MYO15A: variants seen among roughly 807,000 people sequenced by gnomAD.
The protein encoded by MYO15A is myosin XVA.
MYO15A carries 308 observed loss-of-function variants against 394.6 expected under a neutral mutation model. The ratio of observed to expected loss-of-function variants is 0.78; its 90% CI spans 0.71 to 0.86. MYO15A has a LOEUF of 0.86. MYO15A is among the 40% of genes least tolerant of loss of function. The probability of loss-of-function intolerance (pLI) is 0.00; values close to 1 mark genes in which losing one functional copy is unlikely to be tolerated. For missense variants in MYO15A, 4,606 were observed against 4,799.1 expected (o/e 0.96, Z 1.19); for synonymous variants, 1,957 against 2,003.8 (o/e 0.98, Z 0.62).
intron 60 of MYO15A, among the ~76,000 whole-genome samples, chr17:18,165,660 C>A (rs2046842714): frequency 6.6e-6 from 1 of 152,188 alleles, no homozygotes; most frequent in Non-Finnish European, 1.5e-5. Context: ...GTGACATATT[C>A]ATAAGTTCTA....
rs1295123749 is a variant in MYO15A, at chr17:18,137,637, C to A, written c.4833C>A (p.Asn1611Lys). 1 of 1,614,088 alleles carries A rather than the reference C, an allele frequency of 6.2e-7. No homozygotes were observed. Among genetic ancestry groups the A allele is most frequent in the Non-Finnish European group, 8.5e-7 (1 of 1,180,054 alleles). The change falls in exon 16 of 66, where the codon AAC (asparagine) becomes AAA (lysine). Residue 1611 changes from asparagine (N) to lysine (K), a missense_variant. Physicochemically the swap from Asn to Lys is moderately conservative, Grantham distance 94 (BLOSUM62 0). Transcript: ENST00000647165. The part of the protein sequence containing the change: ...EQLCINYANE[N>K]LQYLFNKIVF... ...TGTGTATTAACTACGCAAACGAGAACCTTCAGTACCTTTTCAACAAGATCG... is the reference window on the plus strand; with the variant it reads ...TGTGTATTAACTACGCAAACGAGAAACTTCAGTACCTTTTCAACAAGATCG...
At chr17:18,127,216 C>T in intron 7 of MYO15A, 51 bp downstream of exon 7, 1 of 1,594,484 alleles carries the variant, frequency 6.3e-7, no homozygotes, top group Non-Finnish European at 8.6e-7. Context: ...CTTTGATAAG[C>T]ACACCTCATG....
intron 12 of MYO15A, among the ~76,000 whole-genome samples, chr17:18,134,240 G>A (rs1027984880): frequency 1.3e-5 from 2 of 152,052 alleles, no homozygotes; most frequent in East Asian, 1.9e-4. Context: ...CGCCCACCTC[G>A]GCCTCCCAAA....
intron 59 of MYO15A, 82 bp from the exon 60 acceptor site, chr17:18,163,660 G>C (rs1287936052): frequency 7.9e-7 from 1 of 1,266,594 alleles, no homozygotes; most frequent in Admixed American, 1.9e-5. Flanking sequence ...TCCACACATG[G>C]CCTCTGGGGG....
At chr17:18,154,868 T>C (rs1567655853) in intron 45 of MYO15A, 113 bp downstream of exon 45, 9 of 1,237,366 alleles carry the variant, frequency 7.3e-6, no homozygotes, top group Non-Finnish European at 9.2e-6. Context: ...CTCCCAGACA[T>C]GTGCCTCCTT....
At chr17:18,159,489 A>G in intron 54 of MYO15A, 117 bp from the exon 55 acceptor site, 2 of 1,481,504 alleles carry the variant, frequency 1.3e-6, no homozygotes, top group African/African-American at 1.4e-5. Context: ...AAGAGAATAG[A>G]AGCTCCCAGC....
chr17:18,129,901 T>C (rs1472686667), intron 7 of MYO15A, among the ~76,000 whole-genome samples: 1 of 152,120 alleles, frequency 6.6e-6, no homozygotes, highest in Non-Finnish European at 1.5e-5. Flanking sequence ...TGTTTTTTTT[T>C]AGACAGTCTC....
chr17:18,121,825 CCT>C lies in MYO15A; in HGVS notation c.3026_3027del (p.Pro1009ArgfsTer4). 1.2e-6 allele frequency: 2 copies of C among 1,612,874 alleles called. No homozygotes were observed. The highest frequency in any genetic ancestry group is 1.7e-6 in the Non-Finnish European group (2 of 1,179,958). ...GCTCACCAAATCAGCTGGCCCAACC[CCT>C]GAGAAGCCTGAAGAAGAGGCCACCC... ...GQLTKSAGPTPEKPEEEATLG... is the reference protein window; with the variant it reads ...GQLTKSAGPTXEKPEEEATLG... On this transcript the variant is annotated frameshift_variant, in exon 2 of 66. Transcript: ENST00000647165. LOFTEE classifies it high-confidence loss of function. This position sits in a 1 kb window ranked among gnomAD's most constrained non-coding sequence, Gnocchi z 5.3.
chr17:18,122,087 C>T lies in MYO15A; in HGVS notation c.3287C>T (p.Ala1096Val). The T allele has an allele frequency of 6.2e-7, 1 of 1,612,802 alleles. No individual in the cohort carries two copies. The highest frequency in any genetic ancestry group is 2.2e-5 in the East Asian group (1 of 44,884). ...GCAGCCCCCTTGGCGCCCATCAGGG[C>T]CCCAGAGCCCCTGCCCAAGGGGGGT... is the stretch of plus-strand genomic sequence containing the variant. ...QAAAPLAPIR[A>V]PEPLPKGGER... Residue 1096 changes from alanine (A) to valine (V), a missense_variant, in exon 2 of 66, where the codon GCC becomes GTC. By Grantham distance (64) the Ala-to-Val change is moderately conservative. This residue lies in a region of MYO15A where 1,830 missense variants were observed against 1,689.7 expected (regional missense o/e 1.08). Coordinates refer to ENST00000647165, the MANE Select transcript of MYO15A (RefSeq NM_016239.4).
rs984010697 is a variant in MYO15A at position 18,171,654 on chromosome 17, T to C, written c.10099T>C (p.Tyr3367His). ...CGTACACAGGCGGGAAGTCCAGGAG[T>C]ACATCCCAGCCCAGCTCTACCGTAC... is the stretch of plus-strand genomic sequence containing the variant. The part of the protein sequence containing the change: ...YLPSVREVQE[Y>H]IPAQLYRTTA... Residue 3367 changes from tyrosine to histidine, a missense_variant, in exon 63 of 66, where the codon TAC (tyrosine) becomes CAC (histidine). Transcript: ENST00000647165. 1 of 1,613,706 alleles carries C rather than the reference T, an allele frequency of 6.2e-7. No individual in the cohort carries two copies. The highest frequency in any genetic ancestry group is 1.7e-5 in the Admixed American group (1 of 59,996).
In MYO15A at chr17:18,158,652, C is replaced by G. The variant is rs762695747; in HGVS notation, c.9083+14C>G. ...GAGGAGACCCCAGTGAGTGGCGGCC[C>G]CACCCCTCTTCCCACAGTGGGAGGG... On this transcript the variant is annotated intron_variant, in intron 52 of 65. Transcript: ENST00000647165. 9 of 1,612,272 alleles carry G rather than the reference C, an allele frequency of 5.6e-6. No individual in the cohort carries two copies. In the Admixed American group the frequency reaches 1.2e-4, roughly 21 times the overall value.
In MYO15A at chr17:18,148,983, T is replaced by C. The variant is rs1567650712; in HGVS notation, c.6956+31T>C. ...TAGCTATGGGGGACCCCCTCACAGATGGCCACTCCCAGGCAGAAGGCCGGC... is the reference window on the plus strand; with the variant it reads ...TAGCTATGGGGGACCCCCTCACAGACGGCCACTCCCAGGCAGAAGGCCGGC... On this transcript the variant is annotated intron_variant, in intron 33 of 65. Transcript: ENST00000647165. This position sits in a 1 kb window ranked among gnomAD's most constrained non-coding sequence, Gnocchi z 4.8. The C allele has an allele frequency of 6.4e-7, 1 of 1,559,842 alleles. No individual in the cohort carries two copies.
chr17:18,158,607 A>G lies in MYO15A; in HGVS notation c.9052A>G (p.Lys3018Glu), dbSNP rs2046724917. ...CTACACAATGCTCGAGTTTGCCCAG[A>G]AGTATTTCCGAGACCCTCAGAGGAG... ...PPYTMLEFAQ[K>E]YFRDPQRRPQ... The change falls in exon 52 of 66, where the codon AAG becomes GAG. Residue 3018 changes from lysine to glutamate, a missense_variant. By Grantham distance (56) the Lys-to-Glu change is moderately conservative (BLOSUM62 1). Coordinates refer to ENST00000647165, the MANE Select transcript of MYO15A (RefSeq NM_016239.4). The G allele has an allele frequency of 6.2e-7, 1 of 1,614,002 alleles. No individual in the cohort carries two copies. Among genetic ancestry groups the G allele is most frequent in the Non-Finnish European group, 8.5e-7 (1 of 1,180,016 alleles).
In MYO15A at chr17:18,142,905, C is replaced by G. The variant is rs1433397582; in HGVS notation, c.5910+65C>G. The G allele has an allele frequency of 2.8e-6, 4 of 1,432,690 alleles. No individual in the cohort carries two copies. In the East Asian group the frequency reaches 7.4e-5, roughly 26 times the overall value. The allele number at this position is 1,432,690 out of a possible 1,614,324, so 88.7% of individuals were successfully genotyped here. A position where few individuals can be genotyped will look rare whatever the true frequency, so the allele number is the denominator to read the frequency against. ...AGAAGGGGAAAGGGCACTTAGCACCCAAGAGGAGACTACTGGCCTCAGGCA... is the reference window on the plus strand; with the variant it reads ...AGAAGGGGAAAGGGCACTTAGCACCGAAGAGGAGACTACTGGCCTCAGGCA... On this transcript the variant is annotated intron_variant, in intron 25 of 65. Transcript: ENST00000647165.
Position 18,156,338 on chromosome 17 carries a change from T to A in MYO15A, c.8601+2T>A. On this transcript the variant is annotated splice_donor_variant, in intron 48 of 65. Coordinates refer to ENST00000647165, the MANE Select transcript of MYO15A (RefSeq NM_016239.4). LOFTEE classifies it high-confidence loss of function. ...GACTTCATCTTGGAGCTGAAGAAGG[T>A]CAGGATCTTCTCACAGATCTTCCCT... 6.2e-7 allele frequency: 1 copy of A among 1,614,048 alleles called. No individual in the cohort carries two copies. The highest frequency in any genetic ancestry group is 8.5e-7 in the Non-Finnish European group (1 of 1,179,958).
chr17:18,162,531 C>T, intron 57 of MYO15A, 54 bp from the exon 58 acceptor site: 2 of 1,537,800 alleles, frequency 1.3e-6, no homozygotes, highest in Non-Finnish European at 1.8e-6. Context: ...GAGGAGCGAG[C>T]CCCTTTCTCC....
In MYO15A at chr17:18,151,260, C is replaced by A. The variant is rs1167585724; in HGVS notation, c.7624C>A (p.Leu2542Ile). The change falls in exon 39 of 66, where the codon CTA becomes ATA. Residue 2542 changes from leucine to isoleucine, a missense_variant. Physicochemically the swap from Leu to Ile is conservative, Grantham distance 5 (BLOSUM62 2). Around this residue, in one of 2 missense-constraint regions of MYO15A, gnomAD observed 2,776 missense variants for 3,109.3 expected, o/e 0.89. Coordinates refer to ENST00000647165, the MANE Select transcript of MYO15A (RefSeq NM_016239.4). ...CATCAAGCCTGTGGCTGCCCCTGTT[C>A]TAGCTCAGGATCAGGCTTCTCCAGA... is the stretch of plus-strand genomic sequence containing the variant. ...LPIKPVAAPV[L>I]AQDQASPETT... 9.9e-6 allele frequency: 16 copies of A among 1,614,050 alleles called. No homozygotes were observed. The highest frequency in any genetic ancestry group is 1.4e-5 in the Non-Finnish European group (16 of 1,180,030).
chr17:18,141,061 C>T lies in MYO15A; in HGVS notation c.5449C>T (p.Arg1817Cys), dbSNP rs1597792212. 9 of 1,613,898 alleles carry T rather than the reference C, an allele frequency of 5.6e-6. No homozygotes were observed. The highest frequency in any genetic ancestry group is 6.8e-6 in the Non-Finnish European group (8 of 1,180,044). Residue 1817 changes from arginine to cysteine, a missense_variant, in exon 22 of 66, where the codon CGC becomes TGC. By Grantham distance (180) the Arg-to-Cys change is radical. Transcript: ENST00000647165. ...FEPDVVMAQL[R>C]YSGVLETVRI... Reference sequence around the variant, plus strand: ...GCCAGATGTGGTAATGGCACAATTACGCTATTCAGGGGTGCTGGAGACCGT... The same window carrying T: ...GCCAGATGTGGTAATGGCACAATTATGCTATTCAGGGGTGCTGGAGACCGT...
Position 18,127,139 on chromosome 17 carries a change from A to T in MYO15A, c.4006A>T (p.Asn1336Tyr). 6.2e-7 allele frequency: 1 copy of T among 1,613,804 alleles called. No homozygotes were observed. Among genetic ancestry groups the T allele is most frequent in the South Asian group, 1.1e-5 (1 of 91,068 alleles). The change falls in exon 7 of 66, where the codon AAC becomes TAC. Residue 1336 changes from asparagine (N) to tyrosine (Y), a missense_variant. Around this residue, in one of 2 missense-constraint regions of MYO15A, gnomAD observed 2,776 missense variants for 3,109.3 expected, o/e 0.89. Coordinates refer to ENST00000647165, the MANE Select transcript of MYO15A (RefSeq NM_016239.4). ...KLILRYLAAMNQKREVMQQIK... is the reference protein window; with the variant it reads ...KLILRYLAAMYQKREVMQQIK... ...GATTCTGCGCTACCTGGCCGCCATG[A>T]ACCAGAAACGGGAGGTCATGCAGCA...
Sources: allele counts gnomAD v4.1 joint callset (sites outside exome capture counted in the v4.1 genomes callset), GRCh38; gene constraint gnomAD v4.1.1; regional missense constraint gnomAD v4.1.1; non-coding constraint Gnocchi (gnomAD v3.1); transcripts MANE v1.5; gene names NCBI Gene and HGNC (gene_info 2026-07-23, HGNC 2026-07-21).